The following IL1RAPL2 variants were observed in gnomAD, a reference collection of about 807,000 sequenced individuals.
IL1RAPL2 encodes the protein interleukin 1 receptor accessory protein like 2.
In IL1RAPL2, 3 loss-of-function variants were observed where a neutral mutation model predicts 44.1. The ratio of observed to expected loss-of-function variants is 0.07; its 90% CI spans 0.03 to 0.18. The LOEUF is 0.18. Ranked by LOEUF, IL1RAPL2 falls within the 10% of genes least tolerant of loss-of-function variation. The pLI is 1.00. For synonymous variants in IL1RAPL2, 181 were observed against 178.8 expected (o/e 1.01, Z -0.10); for missense variants, 391 against 496.4 (o/e 0.79, Z 2.02).
chrX:105,611,105 T>C (rs763779462), intron 6 of IL1RAPL2, among the ~76,000 whole-genome samples: 2 of 111,538 alleles, frequency 1.8e-5, no homozygotes, highest in Non-Finnish European at 3.8e-5. Flanking sequence ...ACAAAAAAGT[T>C]TAAAAGTTAA....
intron 2 of IL1RAPL2, among the ~76,000 whole-genome samples, chrX:104,891,133 G>T (rs1402301077): frequency 9.0e-6 from 1 of 110,987 alleles, no homozygotes; most frequent in Non-Finnish European, 1.9e-5. Flanking sequence ...ATTTCTGAGG[G>T]CTCTGTTCTG....
chrX:105,721,546 G>A (rs2038304626), intron 7 of IL1RAPL2, among the ~76,000 whole-genome samples: 1 of 111,763 alleles, frequency 8.9e-6, no homozygotes, highest in Non-Finnish European at 1.9e-5. Context: ...CTGCCTAACT[G>A]TATTCCAAAC....
intron 1 of IL1RAPL2, among the ~76,000 whole-genome samples, chrX:104,618,018 AT>A (rs1424760981): frequency 9.0e-6 from 1 of 111,234 alleles, no homozygotes; most frequent in Non-Finnish European, 1.9e-5. Flanking sequence ...ATTTCTTCTT[AT>A]TTTTTCCCTG....
At chrX:105,173,483 G>A (rs982491197) in intron 2 of IL1RAPL2, among the ~76,000 whole-genome samples, 3 of 111,681 alleles carry the variant, frequency 2.7e-5, no homozygotes, top group Admixed American at 1.9e-4. Flanking sequence ...TGAATCTGGA[G>A]CTCCTCATAG....
chrX:104,659,516 T>A (rs1186519589), intron 2 of IL1RAPL2, among the ~76,000 whole-genome samples: 7 of 112,060 alleles, frequency 6.2e-5, no homozygotes, highest in Non-Finnish European at 1.9e-5. Context: ...TCCTAGAACA[T>A]GTTGGTCTGG....
chrX:105,292,841 C>T (rs947475299), intron 5 of IL1RAPL2, among the ~76,000 whole-genome samples: 11 of 109,070 alleles, frequency 1.0e-4, no homozygotes, highest in Admixed American at 6.9e-4. Context: ...TGGCCGGGTG[C>T]AGTGGCTCAC....
chrX:105,147,125 A>G (rs771163575), intron 2 of IL1RAPL2, among the ~76,000 whole-genome samples: 111 of 111,338 alleles, frequency 1.0e-3, no homozygotes, highest in African/African-American at 3.3e-3. Context: ...GTGCCAGTGG[A>G]TGGCATTTTC....
intron 6 of IL1RAPL2, among the ~76,000 whole-genome samples, chrX:105,607,183 G>T (rs1482809588): frequency 9.1e-6 from 1 of 110,443 alleles, no homozygotes; most frequent in African/African-American, 3.3e-5. Context: ...TTAAAAAAGT[G>T]ATCAATATTT....
intron 5 of IL1RAPL2, among the ~76,000 whole-genome samples, chrX:105,379,968 T>TG (rs973830663): frequency 1.8e-5 from 2 of 111,509 alleles, no homozygotes; most frequent in African/African-American, 3.3e-5. Flanking sequence ...ACCCTATCCC[T>TG]GGGGGGCATC....
At chrX:104,570,831 CTT>C (rs1242144684) in intron 1 of IL1RAPL2, among the ~76,000 whole-genome samples, 1 of 112,015 alleles carries the variant, frequency 8.9e-6, no homozygotes, top group Admixed American at 9.4e-5. Context: ...TGGCTTCTCT[CTT>C]GAGTTTCAAA....
intron 6 of IL1RAPL2, among the ~76,000 whole-genome samples, chrX:105,503,616 ATCCATGAGTG>A (rs2036411313): frequency 8.9e-6 from 1 of 111,818 alleles, no homozygotes; most frequent in African/African-American, 3.2e-5. Flanking sequence ...CCCTTACCAC[ATCCATGAGTG>A]TCCTAGGGCT....
chrX:105,589,823 C>A (rs2037155655), intron 6 of IL1RAPL2, among the ~76,000 whole-genome samples: 1 of 111,646 alleles, frequency 9.0e-6, no homozygotes, highest in African/African-American at 3.3e-5. Context: ...ATGCCTTCAG[C>A]TTTGCTCTGT....
At chrX:105,606,932 A>G (rs1272535873) in intron 6 of IL1RAPL2, among the ~76,000 whole-genome samples, 2 of 111,413 alleles carry the variant, frequency 1.8e-5, no homozygotes, top group African/African-American at 6.5e-5. Context: ...AGGTTGGTTA[A>G]AGCATACAAA....
intron 6 of IL1RAPL2, among the ~76,000 whole-genome samples, chrX:105,554,665 A>G (rs946864976): frequency 4.5e-5 from 5 of 111,123 alleles, no homozygotes; most frequent in African/African-American, 9.8e-5. Context: ...GTATTACTCA[A>G]TCTTAAAGTT....
At chrX:104,933,711 AAAG>A (rs1372214541) in intron 2 of IL1RAPL2, among the ~76,000 whole-genome samples, 2 of 111,723 alleles carry the variant, frequency 1.8e-5, no homozygotes, top group African/African-American at 6.5e-5. Context: ...ATCTTAGTCC[AAAG>A]AAGGTGTATT....
intron 2 of IL1RAPL2, among the ~76,000 whole-genome samples, chrX:105,121,615 C>CT (rs375923492): frequency 1.2e-4 from 13 of 110,876 alleles, no homozygotes; most frequent in East Asian, 8.5e-4. Flanking sequence ...TCTGAATAAA[C>CT]TTTTTTTTTA....
At chrX:105,086,676 T>C (rs909438624) in intron 2 of IL1RAPL2, among the ~76,000 whole-genome samples, 3 of 103,416 alleles carry the variant, frequency 2.9e-5, no homozygotes, top group Admixed American at 1.1e-4. Flanking sequence ...TTAATTACCT[T>C]GCTTTAATCA....
At chrX:104,807,891 C>CAAAACAATTTTAAATAATA (rs1467606634) in intron 2 of IL1RAPL2, among the ~76,000 whole-genome samples, 2 of 111,313 alleles carry the variant, frequency 1.8e-5, no homozygotes, top group Non-Finnish European at 3.8e-5. Context: ...ATAAAAACAG[C>CAAAACAATTTTAAATAATA]ACTTATGTGT....
intron 1 of IL1RAPL2, among the ~76,000 whole-genome samples, chrX:104,636,331 C>G (rs910832963): frequency 8.9e-6 from 1 of 112,247 alleles, no homozygotes; most frequent in Non-Finnish European, 1.9e-5. Flanking sequence ...TCTTAGATCT[C>G]CAGCTGCGTG....
Sources: gnomAD v4.1 joint callset for allele counts (sites outside exome capture counted in the v4.1 genomes callset) on GRCh38, gnomAD v4.1.1 for gene constraint, MANE v1.5 for transcripts, NCBI Gene and HGNC (gene_info 2026-07-23, HGNC 2026-07-21) for gene names.